MED9: variants seen among roughly 807,000 people sequenced by gnomAD.
MED9 encodes the protein mediator complex subunit 9.
MED9 carries 8 observed loss-of-function variants against 13.2 expected under a neutral mutation model. The ratio of observed to expected loss-of-function variants is 0.61; its 90% CI spans 0.36 to 1.10. The LOEUF (loss-of-function observed/expected upper bound fraction) is 1.10, where lower values mean the gene tolerates loss of function less well. MED9 is among the 50% of genes least tolerant of loss of function. The pLI, the probability that MED9 is intolerant of heterozygous loss-of-function variation, is 0.02. For synonymous variants in MED9, 87 were observed against 82.8 expected, an observed-to-expected ratio of 1.05 and a Z score of -0.28; for missense variants, 180 against 193.4, an observed-to-expected ratio of 0.93 and a Z score of 0.41.
chr17:17,492,539 A>G lies in MED9; in HGVS notation c.*1044A>G, dbSNP rs1905258138. On this transcript the variant is annotated 3_prime_UTR_variant, in exon 2 of 2. Transcript: ENST00000268711. ...TTACACAGCCAAGTTTGAGCTCTTAAAAGTTGATGAACAGCCTCATTTCCC... is the reference window on the plus strand; with the variant it reads ...TTACACAGCCAAGTTTGAGCTCTTAGAAGTTGATGAACAGCCTCATTTCCC... The G allele has an allele frequency of 6.6e-6, 1 of 152,238 alleles. No individual in the cohort carries two copies. The highest frequency in any genetic ancestry group is 6.5e-5 in the Admixed American group (1 of 15,290). 9.4% of individuals were successfully genotyped at this position (152,238 alleles called of 1,614,324 possible). A position where few individuals can be genotyped will look rare whatever the true frequency, so the allele number is the denominator to read the frequency against.
At chr17:17,484,196 G>T (rs1300307768) in intron 1 of MED9, among the ~76,000 whole-genome samples, 1 of 152,208 alleles carries the variant, frequency 6.6e-6, no homozygotes. Flanking sequence ...TTGCTGCCTT[G>T]CGTGATGGTT....
Position 17,491,870 on chromosome 17 carries a change from C to T in MED9, c.*375C>T, listed in dbSNP as rs1332907937. Reference sequence around the variant, plus strand: ...GAGCACAGTAGGAAGGGAGGCGGCTCCTCTTTGCTTCCTTCCCTCTCTCTC... The same window carrying T: ...GAGCACAGTAGGAAGGGAGGCGGCTTCTCTTTGCTTCCTTCCCTCTCTCTC... On this transcript the variant is annotated 3_prime_UTR_variant, in exon 2 of 2. Coordinates refer to ENST00000268711, the MANE Select transcript of MED9 (RefSeq NM_018019.3). The T allele has an allele frequency of 1.0e-5, 3 of 296,980 alleles. No homozygotes were observed. The highest frequency in any genetic ancestry group is 2.0e-5 in the Non-Finnish European group (3 of 153,148). 18.4% of individuals were successfully genotyped at this position (296,980 alleles called of 1,614,324 possible).
intron 1 of MED9, among the ~76,000 whole-genome samples, chr17:17,484,034 T>C (rs1357042415): frequency 6.6e-6 from 1 of 152,196 alleles, no homozygotes; most frequent in African/African-American, 2.4e-5. Flanking sequence ...TTGATATATA[T>C]AGATGCTACA....
rs937755164 is a variant in MED9 at position 17,491,352 on chromosome 17, C to T, written c.298C>T (p.Leu100Phe). ...LKSKFQEMRK[L>F]ISTMPGIHLS... ...AAGCAAGTTCCAGGAGATGCGCAAG[C>T]TCATCAGCACCATGCCCGGCATCCA... Residue 100 changes from leucine (L) to phenylalanine (F), a missense_variant, in exon 2 of 2, where the codon CTC becomes TTC. Coordinates refer to ENST00000268711, the MANE Select transcript of MED9 (RefSeq NM_018019.3). 6.2e-7 allele frequency: 1 copy of T among 1,614,062 alleles called. No homozygotes were observed. Among genetic ancestry groups the T allele is most frequent in the African/African-American group, 1.3e-5 (1 of 75,066 alleles).
chr17:17,491,600 C>T lies in MED9; in HGVS notation c.*105C>T. Reference sequence around the variant, plus strand: ...GTGGTTCCTGTGGACCCCAGCTCAGCTCGTCAAGCTGCAGGGGCGGGGCTC... The same window carrying T: ...GTGGTTCCTGTGGACCCCAGCTCAGTTCGTCAAGCTGCAGGGGCGGGGCTC... On this transcript the variant is annotated 3_prime_UTR_variant, in exon 2 of 2. Coordinates refer to ENST00000268711, the MANE Select transcript of MED9 (RefSeq NM_018019.3). The T allele has an allele frequency of 9.1e-7, 1 of 1,102,570 alleles. No individual in the cohort carries two copies. The highest frequency in any genetic ancestry group is 1.4e-5 in the South Asian group (1 of 73,068). 68.3% of individuals were successfully genotyped at this position (1,102,570 alleles called of 1,614,324 possible).
Position 17,477,265 on chromosome 17 carries a change from G to T in MED9, c.224G>T (p.Cys75Phe). Reference protein sequence around the residue: ...FLPLVHNIIKCMDKDSPEVHQ... With the variant: ...FLPLVHNIIKFMDKDSPEVHQ... ...CCTTTGGTTCACAACATCATCAAAT[G>T]GTAAGAACCTAGGAGAGGACCAGGC... Residue 75 changes from cysteine to phenylalanine, a missense_variant and splice_region_variant, in exon 1 of 2, where the codon TGC becomes TTC. By Grantham distance (205) the Cys-to-Phe change is radical. Coordinates refer to ENST00000268711, the MANE Select transcript of MED9 (RefSeq NM_018019.3). 1 of 1,588,774 alleles carries T rather than the reference G, an allele frequency of 6.3e-7. No homozygotes were observed.
At chr17:17,481,178 GAC>G (rs1905027266) in intron 1 of MED9, among the ~76,000 whole-genome samples, 1 of 152,212 alleles carries the variant, frequency 6.6e-6, no homozygotes, top group Non-Finnish European at 1.5e-5. Flanking sequence ...AGCCAGTCAA[GAC>G]ACAGTACTGG....
intron 1 of MED9, among the ~76,000 whole-genome samples, chr17:17,481,365 T>C (rs1324424997): frequency 6.6e-6 from 1 of 152,242 alleles, no homozygotes; most frequent in African/African-American, 2.4e-5. Context: ...TTTCTTGTTC[T>C]CATAAAGAAT....
chr17:17,477,407 C>T (rs1904943052), intron 1 of MED9, 142 bp downstream of exon 1: 1 of 916,018 alleles, frequency 1.1e-6, no homozygotes, highest in South Asian at 1.8e-5. Flanking sequence ...CGGGAAGAGG[C>T]CTTTCCCAAG....
intron 1 of MED9, among the ~76,000 whole-genome samples, chr17:17,482,459 C>T (rs1250350976): frequency 6.6e-6 from 1 of 152,116 alleles, no homozygotes; most frequent in Non-Finnish European, 1.5e-5. Context: ...TTTTATTTTT[C>T]CCTATAAACT....
chr17:17,485,827 G>T (rs1037010651), intron 1 of MED9: 1 of 153,404 alleles, frequency 6.5e-6, no homozygotes, highest in African/African-American at 2.4e-5. Flanking sequence ...ACTCCGTTTA[G>T]CAGCAGCACC....
rs964936495 is a variant in MED9 at position 17,493,056 on chromosome 17, C to A, written c.*1561C>A. ...CTGACAGATACCACGAAACATGAAGCACGTGGAACTACAAGACCCCCGGGG... is the reference window on the plus strand; with the variant it reads ...CTGACAGATACCACGAAACATGAAGAACGTGGAACTACAAGACCCCCGGGG... On this transcript the variant is annotated 3_prime_UTR_variant, in exon 2 of 2. Coordinates refer to ENST00000268711, the MANE Select transcript of MED9 (RefSeq NM_018019.3). 1 of 152,136 alleles carries A rather than the reference C, an allele frequency of 6.6e-6. No homozygotes were observed. Among genetic ancestry groups the A allele is most frequent in the Non-Finnish European group, 1.5e-5 (1 of 68,024 alleles). 9.4% of individuals were successfully genotyped at this position (152,136 alleles called of 1,614,324 possible).
chr17:17,487,035 A>G (rs868556268), intron 1 of MED9: 26 of 150,024 alleles, frequency 1.7e-4, no homozygotes, highest in African/African-American at 6.4e-4. Context: ...AAACACACCA[A>G]TCAGCACCCT....
chr17:17,484,389 C>T (rs1427728995), intron 1 of MED9, among the ~76,000 whole-genome samples: 4 of 152,252 alleles, frequency 2.6e-5, no homozygotes, highest in African/African-American at 7.2e-5. Flanking sequence ...TTGGCCTGGC[C>T]GCTTCAGCAG....
chr17:17,477,075 G>A lies in MED9; in HGVS notation c.34G>A (p.Ala12Thr). ...ASAGVAAGRQ[A>T]EDVLPPTSDQ... Reference sequence around the variant, plus strand: ...TGCTGGGGTGGCAGCCGGGCGACAGGCGGAGGATGTATTGCCGCCAACGTC... The same window carrying A: ...TGCTGGGGTGGCAGCCGGGCGACAGACGGAGGATGTATTGCCGCCAACGTC... The change falls in exon 1 of 2, where the codon GCG becomes ACG. Residue 12 changes from alanine (A) to threonine (T), a missense_variant. Physicochemically the swap from Ala to Thr is moderately conservative, Grantham distance 58. Transcript: ENST00000268711. 6.2e-7 allele frequency: 1 copy of A among 1,607,168 alleles called. No homozygotes were observed. Among genetic ancestry groups the A allele is most frequent in the South Asian group, 1.1e-5 (1 of 90,944 alleles).
At chr17:17,490,145 C>T (rs753518481) in intron 1 of MED9, among the ~76,000 whole-genome samples, 19 of 152,202 alleles carry the variant, frequency 1.2e-4, no homozygotes, top group Non-Finnish European at 2.4e-4. Context: ...TTTTAAAAAA[C>T]GTATAGGAAG....
Position 17,491,937 on chromosome 17 carries a change from T to A in MED9, c.*442T>A, listed in dbSNP as rs1905243660. On this transcript the variant is annotated 3_prime_UTR_variant, in exon 2 of 2. Transcript: ENST00000268711. The stretch of plus-strand genomic sequence containing the variant: ...ATCAGTGTGTACCAGGTACACATTG[T>A]TCCTGTTAACAGCAGCTTCTTGAAA... The A allele has an allele frequency of 4.8e-6, 1 of 209,170 alleles. No homozygotes were observed. The allele number at this position is 209,170 out of a possible 1,614,324, so 13.0% of individuals were successfully genotyped here.
chr17:17,490,025 A>G (rs543735034), intron 1 of MED9, among the ~76,000 whole-genome samples: 37 of 152,260 alleles, frequency 2.4e-4, no homozygotes, highest in Non-Finnish European at 4.3e-4. Flanking sequence ...ATGATCATTG[A>G]CAGTTTTTCC....
At chr17:17,488,765 G>A (rs368434758) in intron 1 of MED9, among the ~76,000 whole-genome samples, 25 of 152,178 alleles carry the variant, frequency 1.6e-4, no homozygotes, top group African/African-American at 5.3e-4. Context: ...CCCGGGAGGC[G>A]GAGGTTGCAG....
Sources: allele counts gnomAD v4.1 joint callset (sites outside exome capture counted in the v4.1 genomes callset), GRCh38; gene constraint gnomAD v4.1.1; transcripts MANE v1.5; gene names NCBI Gene and HGNC (gene_info 2026-07-23, HGNC 2026-07-21).